Variants in ERC2 observed in about 807,000 individuals in gnomAD.
ERC2 encodes ELKS/RAB6-interacting/CAST family member 2.
ERC2 carries 42 observed loss-of-function variants against 114.8 expected under a neutral mutation model. The observed-to-expected ratio is 0.37, with a 90% CI of 0.29 to 0.47. The LOEUF (loss-of-function observed/expected upper bound fraction) is 0.47, where lower values mean the gene tolerates loss of function less well. Among genes scored for constraint, ERC2 ranks in the 20% least tolerant of loss-of-function variants. ERC2 has a pLI of 0.99. For missense variants in ERC2, 939 were observed against 1,150.7 expected, an observed-to-expected ratio of 0.82 and a Z score of 2.66; for synonymous variants, 454 against 425.5, an observed-to-expected ratio of 1.07 and a Z score of -0.82.
chr3:56,310,146 A>C (rs543366250), intron 2 of ERC2, among the ~76,000 whole-genome samples: 1 of 152,310 alleles, frequency 6.6e-6, no homozygotes, highest in Non-Finnish European at 1.5e-5. Flanking sequence ...TCCACAACCA[A>C]CTAAAGGATA....
At chr3:55,624,421 A>AT (rs1386271432) in intron 17 of ERC2, among the ~76,000 whole-genome samples, 1 of 152,192 alleles carries the variant, frequency 6.6e-6, no homozygotes, top group East Asian at 1.9e-4. Flanking sequence ...GAAGGTGAAC[A>AT]TGGCTGGGGC....
intron 17 of ERC2, among the ~76,000 whole-genome samples, chr3:55,559,013 G>A (rs1455034258): frequency 6.6e-6 from 1 of 152,224 alleles, no homozygotes; most frequent in African/African-American, 2.4e-5. Flanking sequence ...TGGGCAGGCT[G>A]AGAGAGCAGG....
intron 7 of ERC2, among the ~76,000 whole-genome samples, chr3:56,045,700 G>A (rs966753818): frequency 1.3e-5 from 2 of 152,038 alleles, no homozygotes; most frequent in African/African-American, 2.4e-5. Flanking sequence ...TGAGGTTAAG[G>A]TCAAAAATTC....
chr3:56,051,051 G>T (rs1426171024), intron 7 of ERC2, among the ~76,000 whole-genome samples: 1 of 152,164 alleles, frequency 6.6e-6, no homozygotes, highest in African/African-American at 2.4e-5. Flanking sequence ...CCTGCAGCCA[G>T]AGGTCCTGAA....
intron 4 of ERC2, among the ~76,000 whole-genome samples, chr3:56,162,288 T>C (rs1478700193): frequency 6.6e-6 from 1 of 152,168 alleles, no homozygotes; most frequent in East Asian, 1.9e-4. Context: ...CTTGATAGTA[T>C]TTTGTTGAGG....
At chr3:55,706,395 T>G (rs1039024190) in intron 15 of ERC2, among the ~76,000 whole-genome samples, 3 of 151,968 alleles carry the variant, frequency 2.0e-5, no homozygotes, top group Admixed American at 1.3e-4. Context: ...TGTTTTTGTT[T>G]TTGTTGTTGT....
chr3:56,236,154 T>C (rs1013321950), intron 3 of ERC2, among the ~76,000 whole-genome samples: 2 of 152,168 alleles, frequency 1.3e-5, no homozygotes, highest in African/African-American at 4.8e-5. Flanking sequence ...TATAGAAATA[T>C]TTCCTGATGA....
chr3:55,607,273 C>T (rs899565750), intron 17 of ERC2, among the ~76,000 whole-genome samples: 1 of 152,150 alleles, frequency 6.6e-6, no homozygotes, highest in African/African-American at 2.4e-5. Context: ...AAAGCAAAGG[C>T]AGCCAACCCA....
chr3:55,875,695 C>T (rs2062799025), intron 14 of ERC2, among the ~76,000 whole-genome samples: 2 of 141,934 alleles, frequency 1.4e-5, no homozygotes, highest in African/African-American at 5.7e-5. Flanking sequence ...CTCATTCACA[C>T]ACACACACAC....
chr3:56,371,388 T>C (rs960195706), intron 2 of ERC2, among the ~76,000 whole-genome samples: 6 of 152,144 alleles, frequency 3.9e-5, no homozygotes, highest in African/African-American at 1.4e-4. Context: ...ATCAAAAGGA[T>C]ATATATACCT....
intron 7 of ERC2, among the ~76,000 whole-genome samples, chr3:56,051,114 C>T (rs2075742513): frequency 6.6e-6 from 1 of 152,126 alleles, no homozygotes; most frequent in Non-Finnish European, 1.5e-5. Flanking sequence ...ATTTACAGTT[C>T]AGAATGAAGC....
chr3:55,793,405 T>C (rs1465318213), intron 14 of ERC2, among the ~76,000 whole-genome samples: 4 of 152,176 alleles, frequency 2.6e-5, no homozygotes, highest in Admixed American at 2.6e-4. Context: ...TTACAGAATG[T>C]CTGTGACTTA....
chr3:56,286,761 A>G (rs753064164), intron 3 of ERC2, among the ~76,000 whole-genome samples: 1 of 150,252 alleles, frequency 6.7e-6, no homozygotes, highest in Non-Finnish European at 1.5e-5. Flanking sequence ...CTTAGCTCCC[A>G]GGCCATTTAA....
intron 12 of ERC2, among the ~76,000 whole-genome samples, chr3:55,966,002 C>T (rs557469641): frequency 9.8e-5 from 15 of 152,300 alleles, no homozygotes; most frequent in African/African-American, 1.7e-4. Context: ...CAAAATCCAC[C>T]GCTAAAATGT....
At chr3:56,056,574 C>CACATATTA (rs2076024353) in intron 7 of ERC2, among the ~76,000 whole-genome samples, 3 of 152,142 alleles carry the variant, frequency 2.0e-5, no homozygotes, top group Non-Finnish European at 2.9e-5. Context: ...ATGTATGGGC[C>CACATATTA]TTGTGAGAGA....
chr3:55,902,878 C>T (rs1033284903), intron 13 of ERC2, among the ~76,000 whole-genome samples: 14 of 152,160 alleles, frequency 9.2e-5, no homozygotes, highest in Admixed American at 7.2e-4. Context: ...GGAGAGTGGG[C>T]GGATGGCAAA....
intron 14 of ERC2, among the ~76,000 whole-genome samples, chr3:55,809,237 T>C (rs1254631239): frequency 2.6e-5 from 4 of 152,178 alleles, no homozygotes; most frequent in African/African-American, 4.8e-5. Context: ...TGGTGTTTTG[T>C]GGCATGCATA....
intron 17 of ERC2, among the ~76,000 whole-genome samples, chr3:55,666,675 G>C (rs138281983): frequency 2.2e-4 from 33 of 152,180 alleles, no homozygotes; most frequent in Admixed American, 7.9e-4. Flanking sequence ...GCATCCAGTA[G>C]GTAGAGGCCA....
At chr3:55,992,634 C>T (rs147830098) in intron 10 of ERC2, among the ~76,000 whole-genome samples, 245 of 152,218 alleles carry the variant, frequency 1.6e-3, no homozygotes, top group African/African-American at 5.2e-3. Flanking sequence ...ATACAAAATG[C>T]TTCCATTTCC....
Sources: allele counts gnomAD v4.1 joint callset (sites outside exome capture counted in the v4.1 genomes callset), GRCh38; gene constraint gnomAD v4.1.1; transcripts MANE v1.5; gene names NCBI Gene and HGNC (gene_info 2026-07-23, HGNC 2026-07-21).